The following METTL16 variants were observed in gnomAD, a reference collection of about 807,000 sequenced individuals.
The protein encoded by METTL16 is RNA N(6)-adenosine-methyltransferase METTL16.
METTL16 carries 19 observed loss-of-function variants against 57.9 expected under a neutral mutation model. The observed-to-expected ratio is 0.33, with a 90% CI of 0.23 to 0.48. The LOEUF is 0.48. METTL16 is among the 20% of genes least tolerant of loss of function. The pLI, the probability that METTL16 is intolerant of heterozygous loss-of-function variation, is 0.99. For missense variants in METTL16, 434 were observed against 691.5 expected (o/e 0.63, Z 4.18); for synonymous variants, 246 against 255.6 (o/e 0.96, Z 0.36).
chr17:2,438,426 T>A (rs2066923678), intron 7 of METTL16, among the ~76,000 whole-genome samples: 1 of 152,242 alleles, frequency 6.6e-6, no homozygotes, highest in Non-Finnish European at 1.5e-5. Flanking sequence ...CAGATATGAC[T>A]TGAAGGTTCA....
chr17:2,430,504 CT>C (rs1164095545), intron 8 of METTL16, among the ~76,000 whole-genome samples: 1 of 150,222 alleles, frequency 6.7e-6, no homozygotes, highest in African/African-American at 2.5e-5. Flanking sequence ...CAAGCTCCGC[CT>C]CCCGGGTTCA....
At chr17:2,427,717 A>T (rs1005027349) in intron 8 of METTL16, among the ~76,000 whole-genome samples, 9 of 152,042 alleles carry the variant, frequency 5.9e-5, no homozygotes, top group Non-Finnish European at 1.3e-4. Flanking sequence ...AGCTAGGATT[A>T]CAGGCGTGCA....
chr17:2,492,042 T>C (rs2067398845), intron 2 of METTL16, among the ~76,000 whole-genome samples: 1 of 150,768 alleles, frequency 6.6e-6, no homozygotes, highest in African/African-American at 2.4e-5. Context: ...AAACCCTGTC[T>C]CTACTAAAAA....
chr17:2,460,148 T>C (rs2067139450), intron 6 of METTL16: 1 of 152,178 alleles, frequency 6.6e-6, no homozygotes, highest in African/African-American at 2.4e-5. Context: ...TCTAGTTTCT[T>C]CTCAGTAAAA....
At position 2,417,093 on chromosome 17, in the gene METTL16, T is replaced by G. The variant is rs1480310967; in HGVS notation, c.*2877A>C. On this transcript the variant is annotated 3_prime_UTR_variant, in exon 10 of 10. Transcript: ENST00000263092. ...TTTTTTTTTTTTTTTTTTGAGACAG[T>G]CCCACTTTGTCGCCCAGGCTGTAGT... The G allele has an allele frequency of 5.1e-5, 7 of 136,894 alleles. No individual in the cohort carries two copies. Among genetic ancestry groups the G allele is most frequent in the Admixed American group, 4.5e-4 (6 of 13,388 alleles). The allele number at this position is 136,894 out of a possible 1,614,324, so 8.5% of individuals were successfully genotyped here. A position where few individuals can be genotyped will look rare whatever the true frequency, so the allele number is the denominator to read the frequency against.
chr17:2,457,095 A>G (rs1597453213), intron 6 of METTL16, among the ~76,000 whole-genome samples: 1 of 151,962 alleles, frequency 6.6e-6, no homozygotes, highest in East Asian at 1.9e-4. Context: ...GCACTTTGGG[A>G]GGCCAAGGCG....
chr17:2,505,261 T>C (rs1332937344), intron 1 of METTL16, among the ~76,000 whole-genome samples: 1 of 151,942 alleles, frequency 6.6e-6, no homozygotes, highest in African/African-American at 2.4e-5. Context: ...AACAATATTA[T>C]GTTAGCCAAA....
At chr17:2,506,983 G>A (rs374603006) in intron 1 of METTL16, among the ~76,000 whole-genome samples, 8 of 110,844 alleles carry the variant, frequency 7.2e-5, no homozygotes, top group Admixed American at 1.2e-4. Context: ...CCGCCCCGTC[G>A]GAGAAGTGAG....
intron 8 of METTL16, among the ~76,000 whole-genome samples, chr17:2,436,010 G>A (rs111686863): frequency 6.6e-6 from 1 of 152,116 alleles, no homozygotes; most frequent in Non-Finnish European, 1.5e-5. Flanking sequence ...ACTCGGTCTC[G>A]GAGCTGGTGT....
chr17:2,479,323 C>A lies in METTL16; in HGVS notation c.129-1438G>T, dbSNP rs1242076180. ...CTGGGACTACAGGTGCATACCACCACACTAAGCTTTTTTTTTTTTTTTTTT... is the reference window on the plus strand; with the variant it reads ...CTGGGACTACAGGTGCATACCACCAAACTAAGCTTTTTTTTTTTTTTTTTT... On this transcript the variant is annotated intron_variant, in intron 2 of 9. Transcript: ENST00000263092. Among the ~76,000 whole-genome samples, 6 of 146,956 alleles carry A rather than the reference C, an allele frequency of 4.1e-5. No individual in the cohort carries two copies. The South Asian group carries it at 6.7e-4, about 16-fold the overall frequency.
At chr17:2,430,622 G>A (rs913851890) in intron 8 of METTL16, among the ~76,000 whole-genome samples, 1 of 151,790 alleles carries the variant, frequency 6.6e-6, no homozygotes, top group African/African-American at 2.4e-5. Context: ...GTTTCACTGT[G>A]TTAGCCAGGA....
Position 2,479,021 on chromosome 17 carries a change from T to C in METTL16, c.129-1136A>G, listed in dbSNP as rs560903700. Among the ~76,000 whole-genome samples the C allele has an allele frequency of 2.0e-5, 3 of 152,334 alleles. No homozygotes were observed. The East Asian group carries it at 5.8e-4, about 29-fold the overall frequency. On this transcript the variant is annotated intron_variant, in intron 2 of 9. Transcript: ENST00000263092. ...AGACAGTCAGGAATGGATCATAAGA[T>C]ATATTTGTATTTAACCTTTTAAGAA... is the stretch of plus-strand genomic sequence containing the variant.
At position 2,420,428 on chromosome 17, in the gene METTL16, G is replaced by C. The variant is rs2066756306; in HGVS notation, c.1231C>G (p.Pro411Ala). 1 of 1,614,044 alleles carries C rather than the reference G, an allele frequency of 6.2e-7. No individual in the cohort carries two copies. The change falls in exon 10 of 10, where the codon CCC (proline) becomes GCC (alanine). Residue 411 changes from proline (P) to alanine (A), a missense_variant. Around this residue, in one of 5 missense-constraint regions of METTL16, gnomAD observed 168 missense variants for 149.6 expected, o/e 1.12. Coordinates refer to ENST00000263092, the MANE Select transcript of METTL16 (RefSeq NM_024086.4). This position sits in a 1 kb window ranked among gnomAD's most constrained non-coding sequence, Gnocchi z 5.4. ...CTATTGCCAGACTCTTTGGGGGTGGGCTTTTTCTCTTCCAAGGCCTGAATG... is the reference window on the plus strand; with the variant it reads ...CTATTGCCAGACTCTTTGGGGGTGGCCTTTTTCTCTTCCAAGGCCTGAATG... ...DVIQALEEKK[P>A]TPKESGNSQE... is the part of the protein sequence containing the mutation.
rs753697741 is a variant in METTL16, at chr17:2,420,207, G to A, written c.1452C>T (p.Ser484=). 2.5e-6 allele frequency: 4 copies of A among 1,614,216 alleles called. No individual in the cohort carries two copies. The highest frequency in any genetic ancestry group is 1.1e-5 in the South Asian group (1 of 91,084). Residue 484 remains serine, a synonymous_variant, in exon 10 of 10, where the codon AGC becomes AGT. Transcript: ENST00000263092. This position sits in a 1 kb window ranked among gnomAD's most constrained non-coding sequence, Gnocchi z 5.4. The part of the protein sequence containing the change: ...VEVLESCQGS[S]NGAQDQEASE... ...AAGCCTCTTGGTCCTGGGCTCCGTT[G>A]CTAGAGCCTTGACAACTTTCCAAAA... is the stretch of plus-strand genomic sequence containing the variant.
chr17:2,423,966 C>T (rs2066788915), intron 8 of METTL16, among the ~76,000 whole-genome samples: 1 of 152,164 alleles, frequency 6.6e-6, no homozygotes, highest in African/African-American at 2.4e-5. Context: ...TATCTCAGGA[C>T]TAAAATGAAA....
intron 6 of METTL16, among the ~76,000 whole-genome samples, chr17:2,462,475 C>G (rs994608205): frequency 1.3e-5 from 2 of 152,144 alleles, no homozygotes; most frequent in Non-Finnish European, 2.9e-5. Context: ...GGATTTGTGT[C>G]CCCGCCCAAA....
At chr17:2,465,968 A>G (rs1026505210) in intron 5 of METTL16, among the ~76,000 whole-genome samples, 1 of 151,976 alleles carries the variant, frequency 6.6e-6, no homozygotes, top group African/African-American at 2.4e-5. Flanking sequence ...CAAGGCAGGT[A>G]GATCACTTGA....
chr17:2,447,707 G>C (rs2067016793), intron 6 of METTL16, among the ~76,000 whole-genome samples: 2 of 145,936 alleles, frequency 1.4e-5, no homozygotes, highest in Non-Finnish European at 3.0e-5. Context: ...AGGGGGGAGG[G>C]GGGGTCAGCC....
chr17:2,449,492 G>A lies in METTL16; in HGVS notation c.729-7933C>T, dbSNP rs919499936. Among the ~76,000 whole-genome samples the A allele has an allele frequency of 5.3e-5, 8 of 152,066 alleles. No homozygotes were observed. In the East Asian group the frequency reaches 1.5e-3, roughly 29 times the overall value. On this transcript the variant is annotated intron_variant, in intron 6 of 9. Coordinates refer to ENST00000263092, the MANE Select transcript of METTL16 (RefSeq NM_024086.4). Reference sequence around the variant, plus strand: ...CAACGTGCTGGGATTACAGGCGTGAGCCACCATGTCTGGCTTAAAACAATT... The same window carrying A: ...CAACGTGCTGGGATTACAGGCGTGAACCACCATGTCTGGCTTAAAACAATT...
Sources: gnomAD v4.1 joint callset for allele counts (sites outside exome capture counted in the v4.1 genomes callset) on GRCh38, gnomAD v4.1.1 for gene constraint, gnomAD v4.1.1 regional missense constraint, Gnocchi (gnomAD v3.1) non-coding constraint, MANE v1.5 for transcripts, NCBI Gene and HGNC (gene_info 2026-07-23, HGNC 2026-07-21) for gene names.